The following NKAIN3 variants were observed in gnomAD, a reference collection of about 807,000 sequenced individuals.
NKAIN3 encodes the protein sodium/potassium-transporting ATPase subunit beta-1-interacting protein 3.
In NKAIN3, 25 loss-of-function variants were observed where a neutral mutation model predicts 30.2. That is an observed-to-expected ratio of 0.83 (90% confidence interval 0.60 to 1.16). The LOEUF is 1.16. Ranked by LOEUF, NKAIN3 falls within the 50% of genes most tolerant of loss-of-function variation. NKAIN3 has a pLI of 0.00. For missense variants in NKAIN3, 225 were observed against 254.1 expected (o/e 0.89, Z 0.78); for synonymous variants, 91 against 89.6 (o/e 1.02, Z -0.09).
chr8:62,644,863 G>T (rs1275324159), intron 3 of NKAIN3, among the ~76,000 whole-genome samples: 2 of 152,124 alleles, frequency 1.3e-5, no homozygotes, highest in Non-Finnish European at 2.9e-5. Context: ...ATAATTAATT[G>T]CTTGTGCAGT....
intron 5 of NKAIN3, among the ~76,000 whole-genome samples, chr8:62,996,065 T>C (rs1755220465): frequency 1.3e-5 from 2 of 152,214 alleles, no homozygotes; most frequent in African/African-American, 4.8e-5. Context: ...AATATTCCCA[T>C]TGAACATAAA....
intron 1 of NKAIN3, among the ~76,000 whole-genome samples, chr8:62,318,690 A>ATCATGGT (rs1814752451): frequency 6.6e-6 from 1 of 152,184 alleles, no homozygotes; most frequent in Admixed American, 6.5e-5. Flanking sequence ...AGCCCACTTG[A>ATCATGGT]TCATGGTGGA....
At chr8:62,926,489 A>G (rs1822447912) in intron 5 of NKAIN3, among the ~76,000 whole-genome samples, 1 of 151,822 alleles carries the variant, frequency 6.6e-6, no homozygotes, top group Non-Finnish European at 1.5e-5. Context: ...GAGCCGCCCA[A>G]CCCGCTCCAG....
chr8:62,601,871 T>C (rs558937212), intron 3 of NKAIN3, among the ~76,000 whole-genome samples: 66 of 152,216 alleles, frequency 4.3e-4, no homozygotes, highest in African/African-American at 1.4e-3. Context: ...TCTTTTCCTT[T>C]GGCATGAGTC....
chr8:62,805,206 C>T lies in NKAIN3; in HGVS notation c.471+58077C>T, dbSNP rs566145592. 2.8e-3 allele frequency among the ~76,000 whole-genome samples: 419 copies of T among 151,598 alleles called. 2 individuals carry two copies. Among genetic ancestry groups the T allele is most frequent in the African/African-American group, 8.7e-3 (358 of 41,254 alleles). ...GCTCATGGGTAGGAAGAATCAATATCGTGAAAATGGCCATACTGCCCAAGG... is the reference window on the plus strand; with the variant it reads ...GCTCATGGGTAGGAAGAATCAATATTGTGAAAATGGCCATACTGCCCAAGG... On this transcript the variant is annotated intron_variant, in intron 4 of 6. Coordinates refer to ENST00000623646, the MANE Select transcript of NKAIN3 (RefSeq NM_001304533.3).
chr8:62,468,885 A>G (rs1323962191), intron 1 of NKAIN3, among the ~76,000 whole-genome samples: 4 of 152,180 alleles, frequency 2.6e-5, no homozygotes, highest in Non-Finnish European at 5.9e-5. Flanking sequence ...AATTGGATCA[A>G]CTAATTCTGA....
At chr8:62,653,281 CAG>C (rs147273367) in intron 3 of NKAIN3, among the ~76,000 whole-genome samples, 58 of 149,694 alleles carry the variant, frequency 3.9e-4, no homozygotes, top group South Asian at 4.2e-4. Context: ...TCTTAAGTAG[CAG>C]AGAGAGAGAG....
At chr8:62,474,748 A>G (rs1806460140) in intron 1 of NKAIN3, among the ~76,000 whole-genome samples, 1 of 152,214 alleles carries the variant, frequency 6.6e-6, no homozygotes, top group Non-Finnish European at 1.5e-5. Context: ...CCAACAGATC[A>G]AAATCATCAA....
chr8:62,989,996 T>A (rs993267234), intron 5 of NKAIN3, among the ~76,000 whole-genome samples: 9 of 152,212 alleles, frequency 5.9e-5, no homozygotes, highest in African/African-American at 2.2e-4. Flanking sequence ...AGGTAAGTGT[T>A]AAGTAAAAAT....
At chr8:62,718,140 A>G (rs1006838375) in intron 3 of NKAIN3, among the ~76,000 whole-genome samples, 1 of 152,186 alleles carries the variant, frequency 6.6e-6, no homozygotes, top group Admixed American at 6.6e-5. Context: ...CATGAGAAAG[A>G]CAAGCCCCCA....
intron 1 of NKAIN3, among the ~76,000 whole-genome samples, chr8:62,461,810 C>G (rs1426957486): frequency 2.0e-5 from 3 of 152,108 alleles, no homozygotes; most frequent in Non-Finnish European, 2.9e-5. Flanking sequence ...TGAGCAGAGC[C>G]TCAGATGCCT....
At chr8:62,479,381 C>T (rs570676609) in intron 1 of NKAIN3, among the ~76,000 whole-genome samples, 14 of 152,118 alleles carry the variant, frequency 9.2e-5, no homozygotes, top group Non-Finnish European at 1.6e-4. Flanking sequence ...AAGGAACTGA[C>T]GTGAGCAAAT....
chr8:62,668,337 G>GAA (rs1813195873), intron 3 of NKAIN3, among the ~76,000 whole-genome samples: 1 of 152,188 alleles, frequency 6.6e-6, no homozygotes, highest in African/African-American at 2.4e-5. Flanking sequence ...TTGAGAAATG[G>GAA]AAAGGATCCT....
intron 1 of NKAIN3, among the ~76,000 whole-genome samples, chr8:62,510,918 A>G (rs902899129): frequency 3.3e-5 from 5 of 151,940 alleles, no homozygotes; most frequent in Non-Finnish European, 7.4e-5. Flanking sequence ...CTCCTTTTCA[A>G]GGTCGTTTGC....
chr8:62,615,276 G>A (rs909194782), intron 3 of NKAIN3, among the ~76,000 whole-genome samples: 2 of 152,064 alleles, frequency 1.3e-5, no homozygotes, highest in African/African-American at 4.8e-5. Context: ...TAGGAATGTT[G>A]TCTGGGAGGT....
chr8:62,622,513 A>C (rs1488727526), intron 3 of NKAIN3, among the ~76,000 whole-genome samples: 1 of 151,970 alleles, frequency 6.6e-6, no homozygotes, highest in Non-Finnish European at 1.5e-5. Context: ...TTGTGGCTTT[A>C]ATTCGCATTT....
At chr8:62,829,081 T>C (rs1000437238) in intron 4 of NKAIN3, among the ~76,000 whole-genome samples, 3 of 152,216 alleles carry the variant, frequency 2.0e-5, no homozygotes, top group African/African-American at 4.8e-5. Flanking sequence ...ATTTGTTTGA[T>C]AGATAATATA....
At chr8:62,595,404 A>G (rs1441103154) in intron 3 of NKAIN3, among the ~76,000 whole-genome samples, 7 of 41,446 alleles carry the variant, frequency 1.7e-4, no homozygotes, top group Non-Finnish European at 3.3e-4. Context: ...TTTTTTTTGC[A>G]GTTGCAAGAT....
At chr8:62,256,772 T>C (rs1812274129) in intron 1 of NKAIN3, among the ~76,000 whole-genome samples, 2 of 152,180 alleles carry the variant, frequency 1.3e-5, no homozygotes, top group South Asian at 4.1e-4. Context: ...TCTATTTCTT[T>C]AGTCCAGGAC....
Sources: gnomAD v4.1 joint callset for allele counts (sites outside exome capture counted in the v4.1 genomes callset) on GRCh38, gnomAD v4.1.1 for gene constraint, MANE v1.5 for transcripts, NCBI Gene and HGNC (gene_info 2026-07-23, HGNC 2026-07-21) for gene names.